FLT1: variants seen among roughly 807,000 people sequenced by gnomAD.
The protein encoded by FLT1 is vascular endothelial growth factor receptor 1.
A neutral mutation model predicts 156.3 loss-of-function variants in FLT1; 49 were observed. The ratio of observed to expected loss-of-function variants is 0.31; its 90% CI spans 0.25 to 0.40. The LOEUF is 0.40. FLT1 is among the 10% of genes least tolerant of loss of function. The pLI is 1.00. For missense variants in FLT1, 1,322 were observed against 1,637.2 expected, an observed-to-expected ratio of 0.81 and a Z score of 3.32; for synonymous variants, 594 against 583.8, an observed-to-expected ratio of 1.02 and a Z score of -0.25.
chr13:28,365,428 C>A (rs1873256237), intron 14 of FLT1, among the ~76,000 whole-genome samples: 1 of 152,020 alleles, frequency 6.6e-6, no homozygotes, highest in Non-Finnish European at 1.5e-5. Context: ...TCTCGGCTCA[C>A]TGCAACCTCT....
Position 28,321,676 on chromosome 13 carries a change from A to G in FLT1, c.3052-91T>C, listed in dbSNP as rs1871467373. 8 of 1,356,700 alleles carry G rather than the reference A, an allele frequency of 5.9e-6. No individual in the cohort carries two copies. The South Asian group carries it at 9.4e-5, about 16-fold the overall frequency. 84.0% of individuals were successfully genotyped at this position (1,356,700 alleles called of 1,614,324 possible). On this transcript the variant is annotated intron_variant, in intron 22 of 29. Coordinates refer to ENST00000282397, the MANE Select transcript of FLT1 (RefSeq NM_002019.4). ...TCAGTGTCATTATCTTAATTTGGGA[A>G]TCCATTTCACATGCTGTGAAGGGAG...
At chr13:28,304,215 C>T (rs555248909) in intron 29 of FLT1, among the ~76,000 whole-genome samples, 3 of 152,160 alleles carry the variant, frequency 2.0e-5, no homozygotes, top group Non-Finnish European at 2.9e-5. Flanking sequence ...TAGTCACCAC[C>T]CATTTTCTGA....
At chr13:28,379,669 T>C (rs961313504) in intron 14 of FLT1, among the ~76,000 whole-genome samples, 1 of 152,196 alleles carries the variant, frequency 6.6e-6, no homozygotes, top group South Asian at 2.1e-4. Flanking sequence ...CTGGCCAAGA[T>C]TGTCTCTTGC....
chr13:28,494,486 CT>C (rs1270434165), intron 1 of FLT1, among the ~76,000 whole-genome samples: 1 of 152,192 alleles, frequency 6.6e-6, no homozygotes, highest in Non-Finnish European at 1.5e-5. Context: ...AACCCGACAG[CT>C]GGATAAGGGA....
intron 14 of FLT1, chr13:28,368,703 CTT>C (rs34319914): frequency 0.044 from 23,664 of 543,902 alleles, no homozygotes; most frequent in Middle Eastern, 0.054. Flanking sequence ...AGATTGGCAG[CTT>C]TTTTTTTTTT....
intron 1 of FLT1, among the ~76,000 whole-genome samples, chr13:28,483,812 A>G (rs1014733558): frequency 6.6e-6 from 1 of 152,334 alleles, no homozygotes. Flanking sequence ...GTCTTTTCTC[A>G]TAAATATGAC....
intron 1 of FLT1, among the ~76,000 whole-genome samples, chr13:28,475,489 C>T (rs762107073): frequency 2.0e-5 from 3 of 152,000 alleles, no homozygotes; most frequent in South Asian, 4.1e-4. Flanking sequence ...AAAGGTTGTT[C>T]GAGGTTAATT....
chr13:28,431,167 G>C lies in FLT1; in HGVS notation c.957C>G (p.Phe319Leu). Reference protein sequence around the residue: ...YTCRVRSGPSFKSVNTSVHIY... With the variant: ...YTCRVRSGPSLKSVNTSVHIY... Reference sequence around the variant, plus strand: ...TATGCACTGAGGTGTTAACAGATTTGAATGATGGTCCACTCCTTACACGAC... The same window carrying C: ...TATGCACTGAGGTGTTAACAGATTTCAATGATGGTCCACTCCTTACACGAC... The change falls in exon 7 of 30, where the codon TTC becomes TTG. Residue 319 changes from phenylalanine to leucine, a missense_variant. This residue lies in a region of FLT1 where 991 missense variants were observed against 1,254.8 expected (regional missense o/e 0.79). Coordinates refer to ENST00000282397, the MANE Select transcript of FLT1 (RefSeq NM_002019.4). 6.2e-7 allele frequency: 1 copy of C among 1,613,832 alleles called. No homozygotes were observed. The highest frequency in any genetic ancestry group is 8.5e-7 in the Non-Finnish European group (1 of 1,179,732).
At chr13:28,332,834 T>C (rs1871981696) in intron 18 of FLT1, among the ~76,000 whole-genome samples, 1 of 152,248 alleles carries the variant, frequency 6.6e-6, no homozygotes, top group South Asian at 2.1e-4. Flanking sequence ...GTATCTAGTC[T>C]GGTGCTTTCT....
At chr13:28,339,020 C>T in intron 17 of FLT1, 148 bp downstream of exon 17, 1 of 679,820 alleles carries the variant, frequency 1.5e-6, no homozygotes, top group South Asian at 1.9e-5. Flanking sequence ...GAATTATTTA[C>T]TTTTGTGTCC....
chr13:28,462,254 A>G (rs963200321), intron 3 of FLT1, among the ~76,000 whole-genome samples: 16 of 152,320 alleles, frequency 1.1e-4, no homozygotes, highest in South Asian at 6.2e-4. Context: ...CTTACTTTAC[A>G]GTCATAACTC....
chr13:28,385,705 A>G, intron 13 of FLT1: 1 of 973,762 alleles, frequency 1.0e-6, no homozygotes, highest in Non-Finnish European at 1.2e-6. Context: ...TTTTCTCTTA[A>G]AACATACAAA....
chr13:28,427,968 A>C (rs1468129036), intron 8 of FLT1, 47 bp from the exon 9 acceptor site: 1 of 1,522,674 alleles, frequency 6.6e-7, no homozygotes, highest in South Asian at 1.1e-5. Flanking sequence ...CGGCCTCTCA[A>C]TATCACTTTG....
chr13:28,466,548 G>A (rs1344599031), intron 3 of FLT1, among the ~76,000 whole-genome samples: 1 of 152,158 alleles, frequency 6.6e-6, no homozygotes, highest in Non-Finnish European at 1.5e-5. Flanking sequence ...TGTGTTAAAT[G>A]ACAAAAATCA....
intron 3 of FLT1, among the ~76,000 whole-genome samples, chr13:28,460,523 C>T (rs537477874): frequency 2.6e-5 from 4 of 152,078 alleles, no homozygotes; most frequent in African/African-American, 9.7e-5. Flanking sequence ...AGTGGGAAAA[C>T]TCAGTTCAGG....
Position 28,494,824 on chromosome 13 carries a change from G to C in FLT1, c.20C>G (p.Thr7Ser), listed in dbSNP as rs1212173058. The C allele has an allele frequency of 6.4e-7, 1 of 1,572,918 alleles. No individual in the cohort carries two copies. Among genetic ancestry groups the C allele is most frequent in the Admixed American group, 1.8e-5 (1 of 56,480 alleles). The part of the protein sequence containing the change: MVSYWD[T>S]GVLLCALLSC... Reference sequence around the variant, plus strand: ...GAGCAGCGCGCACAGCAGGACCCCGGTGTCCCAGTAGCTGACCATGGTGAG... The same window carrying C: ...GAGCAGCGCGCACAGCAGGACCCCGCTGTCCCAGTAGCTGACCATGGTGAG... The change falls in exon 1 of 30, where the codon ACC (threonine) becomes AGC (serine). Residue 7 changes from threonine to serine, a missense_variant. Thr to Ser is a moderately conservative substitution (Grantham distance 58). Coordinates refer to ENST00000282397, the MANE Select transcript of FLT1 (RefSeq NM_002019.4).
intron 19 of FLT1, among the ~76,000 whole-genome samples, chr13:28,328,683 A>C (rs1871793580): frequency 6.6e-6 from 1 of 152,222 alleles, no homozygotes; most frequent in African/African-American, 2.4e-5. Context: ...CAGATGCCGC[A>C]GAGTTCGGCT....
Position 28,372,293 on chromosome 13 carries a change from G to A in FLT1, c.2116+12592C>T, listed in dbSNP as rs181413772. 4.8e-3 allele frequency among the ~76,000 whole-genome samples: 718 copies of A among 148,394 alleles called. 7 individuals carry two copies. The highest frequency in any genetic ancestry group is 0.017 in the African/African-American group (679 of 40,552). On this transcript the variant is annotated intron_variant, in intron 14 of 29. Transcript: ENST00000282397. ...GATAGAGTTTCACTATGTTGGCCAA[G>A]CTGGTCTTGAACTCCTGACCTCAGG...
At chr13:28,405,034 A>AAG (rs1555235546) in intron 11 of FLT1, among the ~76,000 whole-genome samples, 1 of 149,048 alleles carries the variant, frequency 6.7e-6, no homozygotes, top group Non-Finnish European at 1.5e-5. Flanking sequence ...AAAAAAAAAA[A>AAG]AAGAAAAGAA....
Sources: gnomAD v4.1 joint callset for allele counts (sites outside exome capture counted in the v4.1 genomes callset) on GRCh38, gnomAD v4.1.1 for gene constraint, gnomAD v4.1.1 regional missense constraint, MANE v1.5 for transcripts, NCBI Gene and HGNC (gene_info 2026-07-23, HGNC 2026-07-21) for gene names.